Variants in CNTN5 observed in about 807,000 individuals in gnomAD.
The protein encoded by CNTN5 is contactin-5.
In CNTN5, 77 loss-of-function variants were observed where a neutral mutation model predicts 129.1. The observed-to-expected ratio is 0.60, with a 90% CI of 0.50 to 0.72. CNTN5 has a LOEUF of 0.72. CNTN5 is among the 30% of genes least tolerant of loss of function. The pLI, the probability that CNTN5 is intolerant of heterozygous loss-of-function variation, is 0.00. For missense variants in CNTN5, 1,478 were observed against 1,328.8 expected (o/e 1.11, Z -1.75); for synonymous variants, 509 against 465.6 (o/e 1.09, Z -1.20).
intron 1 of CNTN5, among the ~76,000 whole-genome samples, chr11:99,279,497 T>A (rs1863596573): frequency 1.3e-5 from 2 of 151,796 alleles, no homozygotes; most frequent in South Asian, 4.1e-4. Flanking sequence ...TCCTAGTTCC[T>A]GACACTGCTT....
At chr11:99,614,903 CA>C (rs1334300936) in intron 3 of CNTN5, among the ~76,000 whole-genome samples, 6 of 151,716 alleles carry the variant, frequency 4.0e-5, no homozygotes, top group African/African-American at 7.3e-5. Flanking sequence ...TTCTCAAGAA[CA>C]AGGTAGAATT....
At chr11:99,322,655 C>A (rs1336724550) in intron 1 of CNTN5, among the ~76,000 whole-genome samples, 1 of 152,014 alleles carries the variant, frequency 6.6e-6, no homozygotes, top group Admixed American at 6.6e-5. Context: ...TAGAAAATTA[C>A]AGGCAGAGTC....
chr11:99,288,244 A>G (rs1292478466), intron 1 of CNTN5, among the ~76,000 whole-genome samples: 1 of 151,856 alleles, frequency 6.6e-6, no homozygotes, highest in African/African-American at 2.4e-5. Context: ...AGATTATATT[A>G]TCATTAAAGC....
At chr11:99,537,521 G>C (rs1012670596) in intron 2 of CNTN5, among the ~76,000 whole-genome samples, 13 of 152,012 alleles carry the variant, frequency 8.6e-5, no homozygotes, top group Non-Finnish European at 1.5e-4. Context: ...TTACCAAGCA[G>C]GGTGTTCTTA....
In CNTN5 at chr11:100,173,380, G is replaced by C. The variant is rs373478328; in HGVS notation, c.1581-17746G>C. On this transcript the variant is annotated intron_variant, in intron 13 of 24. Coordinates refer to ENST00000524871, the MANE Select transcript of CNTN5 (RefSeq NM_014361.4). ...CTCATCCCCAGAAATTATAAAACCAGTATTTTATTTCTTGTTTGAGAGTTT... is the reference window on the plus strand; with the variant it reads ...CTCATCCCCAGAAATTATAAAACCACTATTTTATTTCTTGTTTGAGAGTTT... Among the ~76,000 whole-genome samples the C allele has an allele frequency of 2.8e-4, 43 of 152,218 alleles. 1 individual carries two copies. In the South Asian group the frequency reaches 8.7e-3, roughly 31 times the overall value.
At chr11:99,564,800 G>A (rs1253325145) in intron 3 of CNTN5, among the ~76,000 whole-genome samples, 1 of 152,096 alleles carries the variant, frequency 6.6e-6, no homozygotes, top group Non-Finnish European at 1.5e-5. Flanking sequence ...TACGGTCCAG[G>A]ATTTATCTAC....
intron 13 of CNTN5, among the ~76,000 whole-genome samples, chr11:100,095,184 AT>A (rs1238505503): frequency 6.6e-6 from 1 of 152,080 alleles, no homozygotes; most frequent in Non-Finnish European, 1.5e-5. Flanking sequence ...TATGCTATCA[AT>A]TTTTTTTCTG....
At chr11:99,548,210 T>C (rs1948364912) in intron 2 of CNTN5, among the ~76,000 whole-genome samples, 1 of 152,208 alleles carries the variant, frequency 6.6e-6, no homozygotes, top group Non-Finnish European at 1.5e-5. Flanking sequence ...AAGAGGTATT[T>C]CTCTCCTGTC....
At chr11:100,168,482 A>G (rs1262788706) in intron 13 of CNTN5, among the ~76,000 whole-genome samples, 2 of 151,972 alleles carry the variant, frequency 1.3e-5, no homozygotes, top group Non-Finnish European at 2.9e-5. Context: ...CCTATGCTCT[A>G]TAAATGATAC....
At chr11:100,151,754 T>C (rs1480507843) in intron 13 of CNTN5, among the ~76,000 whole-genome samples, 1 of 152,198 alleles carries the variant, frequency 6.6e-6, no homozygotes, top group African/African-American at 2.4e-5. Context: ...CATGAGTATT[T>C]TTTTTCCAGA....
chr11:99,564,249 T>A (rs1172323052), intron 3 of CNTN5, among the ~76,000 whole-genome samples: 1 of 151,980 alleles, frequency 6.6e-6, no homozygotes, highest in Non-Finnish European at 1.5e-5. Flanking sequence ...ATCAGGGTAA[T>A]TTTTTTATTT....
chr11:99,459,747 A>G (rs1024065324), intron 2 of CNTN5, among the ~76,000 whole-genome samples: 3 of 152,066 alleles, frequency 2.0e-5, no homozygotes, highest in Non-Finnish European at 4.4e-5. Context: ...GCAATGAAAT[A>G]TATATGTGCA....
intron 2 of CNTN5, among the ~76,000 whole-genome samples, chr11:99,485,976 C>T (rs10893403): frequency 0.19 from 29,579 of 151,886 alleles, 3,055 homozygotes; most frequent in Admixed American, 0.24. Context: ...CTATACAATA[C>T]GCTTACAATT....
At chr11:100,288,628 T>C (rs1160036841) in intron 18 of CNTN5, among the ~76,000 whole-genome samples, 4 of 151,820 alleles carry the variant, frequency 2.6e-5, no homozygotes, top group Non-Finnish European at 5.9e-5. Flanking sequence ...GGGAAATTTA[T>C]AGCACTAAAT....
chr11:99,884,601 A>G (rs1463461503), intron 6 of CNTN5, among the ~76,000 whole-genome samples: 1 of 152,242 alleles, frequency 6.6e-6, no homozygotes, highest in Admixed American at 6.5e-5. Context: ...GTACGTATAT[A>G]CTGAGCAACA....
intron 6 of CNTN5, among the ~76,000 whole-genome samples, chr11:99,882,184 C>T (rs115612731): frequency 0.014 from 2,089 of 152,286 alleles, 53 homozygotes; most frequent in African/African-American, 0.047. Flanking sequence ...ACATAGATAA[C>T]ACCCTTAATG....
intron 1 of CNTN5, among the ~76,000 whole-genome samples, chr11:99,043,905 G>A (rs1345738042): frequency 1.3e-5 from 2 of 152,094 alleles, no homozygotes; most frequent in African/African-American, 2.4e-5. Context: ...TTTCAGCTCC[G>A]TGGATGTTCG....
At chr11:99,101,731 G>C (rs754218257) in intron 1 of CNTN5, among the ~76,000 whole-genome samples, 43 of 152,170 alleles carry the variant, frequency 2.8e-4, no homozygotes, top group Admixed American at 5.9e-4. Context: ...TGGCTTTGCA[G>C]GATAGAGCCT....
At chr11:99,044,778 G>C (rs1448917388) in intron 1 of CNTN5, among the ~76,000 whole-genome samples, 1 of 152,114 alleles carries the variant, frequency 6.6e-6, no homozygotes, top group African/African-American at 2.4e-5. Context: ...TAAAGTGTCA[G>C]GTCCTGATAG....
Sources: gnomAD v4.1 joint callset for allele counts (sites outside exome capture counted in the v4.1 genomes callset) on GRCh38, gnomAD v4.1.1 for gene constraint, MANE v1.5 for transcripts, NCBI Gene and HGNC (gene_info 2026-07-23, HGNC 2026-07-21) for gene names.